PARP6: variants seen among roughly 807,000 people sequenced by gnomAD.
PARP6 encodes the protein protein mono-ADP-ribosyltransferase PARP6.
A neutral mutation model predicts 92.0 loss-of-function variants in PARP6; 27 were observed. The observed-to-expected ratio is 0.29, with a 90% CI of 0.22 to 0.40. The LOEUF is 0.40. Among genes scored for constraint, PARP6 ranks in the 10% least tolerant of loss-of-function variants. The pLI, the probability that PARP6 is intolerant of heterozygous loss-of-function variation, is 1.00. For missense variants in PARP6, 501 were observed against 784.5 expected (o/e 0.64, Z 4.32); for synonymous variants, 272 against 281.2 (o/e 0.97, Z 0.33).
chr15:72,259,583 G>T (rs374938580), intron 11 of PARP6, 25 bp downstream of exon 11: 1 of 1,610,622 alleles, frequency 6.2e-7, no homozygotes, highest in South Asian at 1.1e-5. Flanking sequence ...GAAGGGCTTC[G>T]GAGTGACAAT....
At chr15:72,256,614 G>A in intron 13 of PARP6, 24 bp from the exon 14 acceptor site, 1 of 1,494,260 alleles carries the variant, frequency 6.7e-7, no homozygotes, top group Non-Finnish European at 8.9e-7. Flanking sequence ...AAAAAAAACA[G>A]GGCAGAAGCT....
At chr15:72,257,316 C>A in intron 13 of PARP6, 32 bp downstream of exon 13, 1 of 1,504,510 alleles carries the variant, frequency 6.6e-7, no homozygotes, top group South Asian at 1.1e-5. Context: ...TTCTTGATCC[C>A]AATTCCCCAG....
intron 11 of PARP6, among the ~76,000 whole-genome samples, chr15:72,258,446 A>G (rs1181721363): frequency 6.6e-6 from 1 of 152,248 alleles, no homozygotes; most frequent in Non-Finnish European, 1.5e-5. Flanking sequence ...ATAGCACAGC[A>G]TTATTCACCT....
intron 20 of PARP6, among the ~76,000 whole-genome samples, chr15:72,248,066 C>T (rs2083852349): frequency 6.6e-6 from 1 of 152,100 alleles, no homozygotes; most frequent in Non-Finnish European, 1.5e-5. Flanking sequence ...CCACCGTGCC[C>T]CGCCTTATTA....
chr15:72,267,662 A>G lies in PARP6; in HGVS notation c.-185T>C. ...AGGCTCTGCTGTTGCGGTGGTAACAAGTCACTGTCCTGTGGAAAGTAGATA... is the reference window on the plus strand; with the variant it reads ...AGGCTCTGCTGTTGCGGTGGTAACAGGTCACTGTCCTGTGGAAAGTAGATA... On this transcript the variant is annotated 5_prime_UTR_variant, in exon 3 of 24. Coordinates refer to ENST00000569795, the MANE Select transcript of PARP6 (RefSeq NM_001323532.2). The G allele has an allele frequency of 1.6e-6, 1 of 636,200 alleles. No homozygotes were observed. Among genetic ancestry groups the G allele is most frequent in the East Asian group, 2.7e-5 (1 of 36,742 alleles). 39.4% of individuals were successfully genotyped at this position (636,200 alleles called of 1,614,324 possible). A position where few individuals can be genotyped will look rare whatever the true frequency, so the allele number is the denominator to read the frequency against.
At position 72,242,105 on chromosome 15, in the gene PARP6, C is replaced by T; in HGVS notation, c.1705+52G>A. The T allele has an allele frequency of 8.3e-6, 13 of 1,557,588 alleles. No homozygotes were observed. The highest frequency in any genetic ancestry group is 1.7e-5 in the Admixed American group (1 of 59,856). On this transcript the variant is annotated intron_variant, in intron 22 of 23. Transcript: ENST00000569795. This position sits in a 1 kb window ranked among gnomAD's most constrained non-coding sequence, Gnocchi z 4.3. ...GCCAGATCATGTGCCAAAATTACAT[C>T]AGAAACAAAGGTTAGAGACCCAGAA... is the stretch of plus-strand genomic sequence containing the variant.
intron 4 of PARP6, among the ~76,000 whole-genome samples, chr15:72,266,410 T>C (rs1407784368): frequency 6.6e-6 from 1 of 152,154 alleles, no homozygotes; most frequent in African/African-American, 2.4e-5. Flanking sequence ...AGTGATGGCA[T>C]TAAGCAAACG....
chr15:72,257,290 C>T, intron 13 of PARP6, 58 bp downstream of exon 13: 1 of 1,191,752 alleles, frequency 8.4e-7, no homozygotes, highest in East Asian at 2.3e-5. Context: ...AATGAAATTG[C>T]TGGGTTCCTC....
intron 16 of PARP6, among the ~76,000 whole-genome samples, 155 bp downstream of exon 16, chr15:72,253,282 C>T (rs2084622351): frequency 6.6e-6 from 1 of 151,968 alleles, no homozygotes; most frequent in African/African-American, 2.4e-5. Context: ...ATTTTCAAGG[C>T]AAGGTATGCC....
chr15:72,257,793 GGTCA>G (rs1432900112), intron 12 of PARP6, among the ~76,000 whole-genome samples: 35 of 152,222 alleles, frequency 2.3e-4, no homozygotes, highest in African/African-American at 8.2e-4. Context: ...CAATCATCTT[GGTCA>G]ATATCTGATC....
chr15:72,249,254 C>A lies in PARP6; in HGVS notation c.1552G>T (p.Gly518Ter). ...YLSPISSISFGYSGMGKGQHR... is the reference protein window; with the variant it reads ...YLSPISSISF The stretch of plus-strand genomic sequence containing the variant: ...ACAGAATATTTCTTACCTGAGTATC[C>A]AAAGGAAATACTGGAGATGGGGCTC... The change falls in exon 20 of 24, where the codon GGA becomes TGA. Residue 518 changes from glycine to a stop codon, truncating the protein, a stop_gained. Transcript: ENST00000569795. LOFTEE classifies it high-confidence loss of function. The A allele has an allele frequency of 6.3e-7, 1 of 1,595,752 alleles. No individual in the cohort carries two copies.
Position 72,260,549 on chromosome 15 carries a change from G to A in PARP6, c.685C>T (p.Pro229Ser), listed in dbSNP as rs1480584974. The change falls in exon 10 of 24, where the codon CCC becomes TCC. Residue 229 changes from proline to serine, a missense_variant. By Grantham distance (74) the Pro-to-Ser change is moderately conservative. Around this residue, in one of 4 missense-constraint regions of PARP6, gnomAD observed 291 missense variants for 352.0 expected, o/e 0.83. Transcript: ENST00000569795. Reference sequence around the variant, plus strand: ...CACAGGAGACCTGCCTGGGGGCTGGGAGGGTAGCCAAACACTTCCACTTTG... The same window carrying A: ...CACAGGAGACCTGCCTGGGGGCTGGAAGGGTAGCCAAACACTTCCACTTTG... ...NPKVEVFGYP[P>S]SPQAGLLCPQ... is the part of the protein sequence containing the mutation. The A allele has an allele frequency of 1.2e-6, 2 of 1,614,202 alleles. No individual in the cohort carries two copies. Among genetic ancestry groups the A allele is most frequent in the Non-Finnish European group, 1.7e-6 (2 of 1,180,038 alleles).
At position 72,256,610 on chromosome 15, in the gene PARP6, A is replaced by T; in HGVS notation, c.1000-20T>A. ...CACCACCTTAGGGGAAAGGAAAAAA[A>T]ACAGGGCAGAAGCTAAATGATTTCC... On this transcript the variant is annotated intron_variant, in intron 13 of 23. Coordinates refer to ENST00000569795, the MANE Select transcript of PARP6 (RefSeq NM_001323532.2). 1 of 1,508,604 alleles carries T rather than the reference A, an allele frequency of 6.6e-7. No homozygotes were observed. The highest frequency in any genetic ancestry group is 1.3e-5 in the South Asian group (1 of 74,894). 93.5% of individuals were successfully genotyped at this position (1,508,604 alleles called of 1,614,324 possible).
intron 5 of PARP6, 128 bp downstream of exon 5, chr15:72,265,768 CT>C (rs2086502468): frequency 1.4e-6 from 1 of 708,772 alleles, no homozygotes; most frequent in Admixed American, 2.5e-5. Context: ...CTCATTTATT[CT>C]GAGCATTTTC....
At chr15:72,247,606 CCAT>C (rs1471301978) in intron 20 of PARP6, among the ~76,000 whole-genome samples, 2 of 152,054 alleles carry the variant, frequency 1.3e-5, no homozygotes, top group East Asian at 3.8e-4. Context: ...ATTTGTAAAA[CCAT>C]CTGGGCTTGG....
At chr15:72,245,457 C>T (rs2083493908) in intron 20 of PARP6, 1 of 152,202 alleles carries the variant, frequency 6.6e-6, no homozygotes, top group South Asian at 2.1e-4. Context: ...CATGGGAATT[C>T]AAGATGAGAT....
At position 72,271,676 on chromosome 15, in the gene PARP6, G is replaced by A. The variant is rs574211788; in HGVS notation, c.-459-389C>T. Among the ~76,000 whole-genome samples, 3 of 152,334 alleles carry A rather than the reference G, an allele frequency of 2.0e-5. No individual in the cohort carries two copies. In the East Asian group the frequency reaches 5.8e-4, roughly 29 times the overall value. On this transcript the variant is annotated intron_variant, in intron 1 of 23. Transcript: ENST00000569795. ...TAATTACATCTAATCTTCATGTGAT[G>A]TGGTTATAATTAATTGAGTTGTTAA...
At chr15:72,261,454 G>T in intron 9 of PARP6, 104 bp downstream of exon 9, 1 of 1,030,504 alleles carries the variant, frequency 9.7e-7, no homozygotes, top group Non-Finnish European at 1.5e-6. Context: ...TAAAGAGACA[G>T]AATTCAGGGA....
chr15:72,264,002 G>A (rs1393270879), intron 8 of PARP6, among the ~76,000 whole-genome samples: 2 of 148,994 alleles, frequency 1.3e-5, no homozygotes, highest in East Asian at 2.0e-4. Context: ...CAGCCTGGGT[G>A]AGAGCAAGAC....
Sources: gnomAD v4.1 joint callset for allele counts (sites outside exome capture counted in the v4.1 genomes callset) on GRCh38, gnomAD v4.1.1 for gene constraint, gnomAD v4.1.1 regional missense constraint, Gnocchi (gnomAD v3.1) non-coding constraint, MANE v1.5 for transcripts, NCBI Gene and HGNC (gene_info 2026-07-23, HGNC 2026-07-21) for gene names.